ZNF492: variants seen among roughly 807,000 people sequenced by gnomAD.
The protein encoded by ZNF492 is zinc finger protein 492.
ZNF492 carries 3 observed loss-of-function variants against 6.4 expected under a neutral mutation model. That is an observed-to-expected ratio of 0.47 (90% CI 0.21 to 1.22). The LOEUF (loss-of-function observed/expected upper bound fraction) is 1.22. Among genes scored for constraint, ZNF492 ranks in the 50% most tolerant of loss-of-function variants. The pLI is 0.22. For synonymous variants in ZNF492, 112 were observed against 205.3 expected, an observed-to-expected ratio of 0.55 and a Z score of 3.89; for missense variants, 356 against 612.5, an observed-to-expected ratio of 0.58 and a Z score of 4.42.
chr19:22,663,070 C>G (rs1252073130), intron 3 of ZNF492, among the ~76,000 whole-genome samples: 2 of 152,032 alleles, frequency 1.3e-5, no homozygotes, highest in Non-Finnish European at 2.9e-5. Flanking sequence ...GGTTTTAGGT[C>G]TAATATTTAA....
rs139302390 is a variant in ZNF492 at position 22,661,801 on chromosome 19, G to T, written c.131-1999G>T. ...AGTAGAGACAGGGTTTCACTATGTT[G>T]CCCAGGCTTGGTCTCAAACTCCTGA... On this transcript the variant is annotated intron_variant, in intron 3 of 3. Coordinates refer to ENST00000456783, the MANE Select transcript of ZNF492 (RefSeq NM_020855.3). Among the ~76,000 whole-genome samples, 1,516 of 151,994 alleles carry T rather than the reference G, an allele frequency of 1.0e-2. 24 individuals carry two copies. Among genetic ancestry groups the T allele is most frequent in the African/African-American group, 0.034 (1,429 of 41,440 alleles).
In ZNF492 at chr19:22,644,662, T is replaced by G. The variant is rs186468351; in HGVS notation, c.-93-8645T>G. On this transcript the variant is annotated intron_variant, in intron 1 of 3. Coordinates refer to ENST00000456783, the MANE Select transcript of ZNF492 (RefSeq NM_020855.3). ...ATTTGGGTTGTTTCCATGTCTTTGC[T>G]GTTGTAAATAGTGCTGCAGTAAACA... Among the ~76,000 whole-genome samples the G allele has an allele frequency of 1.6e-4, 25 of 152,324 alleles. No homozygotes were observed. The East Asian group carries it at 2.7e-3, about 16-fold the overall frequency.
At chr19:22,647,515 C>T (rs1432420023) in intron 1 of ZNF492, among the ~76,000 whole-genome samples, 15 of 151,648 alleles carry the variant, frequency 9.9e-5, no homozygotes, top group African/African-American at 3.4e-4. Flanking sequence ...CCCCCAATCT[C>T]GGCCTCCCAA....
intron 1 of ZNF492, among the ~76,000 whole-genome samples, chr19:22,635,163 TA>T (rs34868039): frequency 0.034 from 4,945 of 144,138 alleles, 77 homozygotes; most frequent in East Asian, 0.076. Context: ...TAGTAATTTC[TA>T]AAAAAAAAAA....
rs1451146268 is a variant in ZNF492, at chr19:22,643,526, G to A, written c.-94+9052G>A. Among the ~76,000 whole-genome samples, 3 of 152,090 alleles carry A rather than the reference G, an allele frequency of 2.0e-5. No homozygotes were observed. The East Asian group carries it at 5.8e-4, about 29-fold the overall frequency. On this transcript the variant is annotated intron_variant, in intron 1 of 3. Coordinates refer to ENST00000456783, the MANE Select transcript of ZNF492 (RefSeq NM_020855.3). ...GGGGGAGCATCATCAGCATTGACAG[G>A]GGACTTATTTAAAACACCCATTCAT...
Position 22,666,116 on chromosome 19 carries a change from A to G in ZNF492, c.*851A>G, listed in dbSNP as rs1972123371. 1 of 152,014 alleles carries G rather than the reference A, an allele frequency of 6.6e-6. No individual in the cohort carries two copies. Among genetic ancestry groups the G allele is most frequent in the African/African-American group, 2.4e-5 (1 of 41,424 alleles). 9.4% of individuals were successfully genotyped at this position (152,014 alleles called of 1,614,324 possible). The stretch of plus-strand genomic sequence containing the variant: ...AATAATGTTGTAATTAACTCAAATT[A>G]CTTCGTGTTAATGTTGTAATTAACT... On this transcript the variant is annotated 3_prime_UTR_variant, in exon 4 of 4. Transcript: ENST00000456783.
rs1971738472 is a variant in ZNF492 at position 22,634,395 on chromosome 19, C to T, written c.-173C>T. On this transcript the variant is annotated 5_prime_UTR_variant, in exon 1 of 4. Coordinates refer to ENST00000456783, the MANE Select transcript of ZNF492 (RefSeq NM_020855.3). Reference sequence around the variant, plus strand: ...TCTGCGTCCTCTGGTCCTAGAGGCCCATCCTCTGTGGCCCTGTGACCTGCA... The same window carrying T: ...TCTGCGTCCTCTGGTCCTAGAGGCCTATCCTCTGTGGCCCTGTGACCTGCA... 2 of 1,291,574 alleles carry T rather than the reference C, an allele frequency of 1.5e-6. No homozygotes were observed. Among genetic ancestry groups the T allele is most frequent in the East Asian group, 2.6e-5 (1 of 38,856 alleles). 80.0% of individuals were successfully genotyped at this position (1,291,574 alleles called of 1,614,324 possible).
chr19:22,660,526 A>G (rs1972048593), intron 3 of ZNF492, among the ~76,000 whole-genome samples: 1 of 150,408 alleles, frequency 6.6e-6, no homozygotes, highest in Non-Finnish European at 1.5e-5. Context: ...AATCTTCCTC[A>G]TTACATCTGC....
At position 22,665,057 on chromosome 19, in the gene ZNF492, A is replaced by G; in HGVS notation, c.1388A>G (p.His463Arg). 2 of 1,598,786 alleles carry G rather than the reference A, an allele frequency of 1.3e-6. No individual in the cohort carries two copies. The highest frequency in any genetic ancestry group is 1.7e-6 in the Non-Finnish European group (2 of 1,174,874). The change falls in exon 4 of 4, where the codon CAC becomes CGC. Residue 463 changes from histidine (H) to arginine (R), a missense_variant. Physicochemically the swap from His to Arg is conservative, Grantham distance 29 (BLOSUM62 0). Transcript: ENST00000456783. Reference protein sequence around the residue: ...ECGKAFNQSSHLTTHKMIHTG... With the variant: ...ECGKAFNQSSRLTTHKMIHTG... ...GGCAAAGCTTTTAACCAGTCCTCAC[A>G]CCTTACTACACATAAGATGATTCAT...
intron 3 of ZNF492, among the ~76,000 whole-genome samples, chr19:22,658,148 ATGG>A (rs1176225279): frequency 2.0e-5 from 3 of 152,080 alleles, no homozygotes; most frequent in Non-Finnish European, 4.4e-5. Context: ...ATGGCCAGTC[ATGG>A]TGGTGGTTCA....
chr19:22,635,424 T>G (rs540963131), intron 1 of ZNF492, among the ~76,000 whole-genome samples: 7 of 152,366 alleles, frequency 4.6e-5, no homozygotes, highest in Non-Finnish European at 7.3e-5. Context: ...TTATTTGTCC[T>G]TTAGTGTACA....
At chr19:22,647,651 T>C (rs1349834668) in intron 1 of ZNF492, among the ~76,000 whole-genome samples, 1 of 151,610 alleles carries the variant, frequency 6.6e-6, no homozygotes, top group East Asian at 1.9e-4. Context: ...TCAGTTCTGC[T>C]CTCATCTTAG....
chr19:22,634,671 C>CCTGT (rs1462368798), intron 1 of ZNF492, among the ~76,000 whole-genome samples, 197 bp downstream of exon 1: 5 of 152,134 alleles, frequency 3.3e-5, no homozygotes, highest in African/African-American at 1.2e-4. Flanking sequence ...CCCCGGGCGT[C>CCTGT]CTGTCTCTTC....
At chr19:22,660,323 CT>C (rs1972045956) in intron 3 of ZNF492, among the ~76,000 whole-genome samples, 1 of 151,502 alleles carries the variant, frequency 6.6e-6, no homozygotes, top group Non-Finnish European at 1.5e-5. Flanking sequence ...ATTCTTGCAT[CT>C]TTGTTTCTCA....
chr19:22,641,855 G>C (rs1375646517), intron 1 of ZNF492, among the ~76,000 whole-genome samples: 1 of 151,796 alleles, frequency 6.6e-6, no homozygotes, highest in Non-Finnish European at 1.5e-5. Flanking sequence ...GTGCAGTGGG[G>C]CGATCTCGGC....
intron 1 of ZNF492, among the ~76,000 whole-genome samples, chr19:22,647,582 C>A (rs1971893842): frequency 6.8e-6 from 1 of 147,502 alleles, no homozygotes; most frequent in African/African-American, 2.6e-5. Flanking sequence ...TTAATTTTTT[C>A]AAAAAACAGC....
chr19:22,645,998 A>G (rs1971873571), intron 1 of ZNF492, among the ~76,000 whole-genome samples: 1 of 152,180 alleles, frequency 6.6e-6, no homozygotes, highest in African/African-American at 2.4e-5. Flanking sequence ...TGTCTTGGCT[A>G]TATGGGCTCT....
At chr19:22,646,601 C>G (rs1285597385) in intron 1 of ZNF492, among the ~76,000 whole-genome samples, 1 of 152,088 alleles carries the variant, frequency 6.6e-6, no homozygotes, top group Non-Finnish European at 1.5e-5. Context: ...TACTGGTTTT[C>G]AAAGAGAATG....
rs1254564756 is a variant in ZNF492, at chr19:22,665,427, C to G, written c.*162C>G. 1.5e-6 allele frequency: 2 copies of G among 1,360,340 alleles called. No individual in the cohort carries two copies. The highest frequency in any genetic ancestry group is 1.6e-5 in the South Asian group (1 of 62,550). 84.3% of individuals were successfully genotyped at this position (1,360,340 alleles called of 1,614,324 possible). Reference sequence around the variant, plus strand: ...ACAGGAAAGCCTTTATACTTGAGAACAAATGTACAAATATAAAGAAAGTAA... The same window carrying G: ...ACAGGAAAGCCTTTATACTTGAGAAGAAATGTACAAATATAAAGAAAGTAA... On this transcript the variant is annotated 3_prime_UTR_variant, in exon 4 of 4. Transcript: ENST00000456783.
Sources: allele counts gnomAD v4.1 joint callset (sites outside exome capture counted in the v4.1 genomes callset), GRCh38; gene constraint gnomAD v4.1.1; transcripts MANE v1.5; gene names NCBI Gene and HGNC (gene_info 2026-07-23, HGNC 2026-07-21).